The following WNT10A variants were observed in gnomAD, a reference collection of about 807,000 sequenced individuals.
WNT10A encodes protein Wnt-10a.
WNT10A carries 37 observed loss-of-function variants against 36.1 expected under a neutral mutation model. The observed-to-expected ratio is 1.02, with a 90% CI of 0.79 to 1.35. WNT10A has a LOEUF of 1.35. Among genes scored for constraint, WNT10A ranks in the 40% most tolerant of loss-of-function variants. The pLI is 0.00. For synonymous variants in WNT10A, 255 were observed against 254.1 expected (o/e 1.00, Z -0.03); for missense variants, 613 against 601.4 (o/e 1.02, Z -0.20).
At chr2:218,883,974 G>C (rs1029032158) in intron 2 of WNT10A, 2 of 152,288 alleles carry the variant, frequency 1.3e-5, no homozygotes, top group Non-Finnish European at 2.9e-5. Flanking sequence ...CCGCAGCCGC[G>C]TTTCCCTTCG....
intron 1 of WNT10A, 128 bp downstream of exon 1, chr2:218,881,236 T>C: frequency 7.2e-7 from 1 of 1,396,028 alleles, no homozygotes; most frequent in South Asian, 1.2e-5. Context: ...AAAGTGCTGG[T>C]GCCCAACCAA....
the WNT10A span, among the ~76,000 whole-genome samples, chr2:218,875,158 T>C: frequency 3.2e-5 from 4 of 124,564 alleles, no homozygotes; most frequent in African/African-American, 1.3e-4. Context: ...AGACTGACTT[T>C]CTTTTTTTTT....
At chr2:218,881,876 G>A (rs1212961837) in intron 1 of WNT10A, among the ~76,000 whole-genome samples, 3 of 152,182 alleles carry the variant, frequency 2.0e-5, no homozygotes, top group East Asian at 3.9e-4. Context: ...CTATTCCTGG[G>A]GATGTGCATA....
At chr2:218,880,644 C>T, upstream of WNT10A, 1 of 246,766 alleles carries the variant, frequency 4.1e-6, no homozygotes, top group South Asian at 6.6e-5. This position sits in a 1 kb window ranked among gnomAD's most constrained non-coding sequence, Gnocchi z 7.7. Flanking sequence ...TGGAGGGTTC[C>T]CCGGCACCCC....
chr2:218,886,215 GCACA>G (rs112761948), intron 2 of WNT10A, among the ~76,000 whole-genome samples: 3 of 150,610 alleles, frequency 2.0e-5, no homozygotes, highest in Non-Finnish European at 3.0e-5. Context: ...ATACGTGCAC[GCACA>G]CACACACACA....
At position 218,893,184 on chromosome 2, in the gene WNT10A, C is replaced by A; in HGVS notation, c.1167C>A (p.Ser389Arg). The A allele has an allele frequency of 6.3e-7, 1 of 1,579,970 alleles. No homozygotes were observed. Among genetic ancestry groups the A allele is most frequent in the South Asian group, 1.1e-5 (1 of 89,382 alleles). ...RGHNILRQTR[S>R]ERCHCRFHWC... Reference sequence around the variant, plus strand: ...ACAACATCCTGCGCCAGACGCGCAGCGAGCGCTGCCACTGCCGCTTCCACT... The same window carrying A: ...ACAACATCCTGCGCCAGACGCGCAGAGAGCGCTGCCACTGCCGCTTCCACT... Residue 389 changes from serine (S) to arginine (R), a missense_variant, in exon 4 of 4, where the codon AGC becomes AGA. Physicochemically the swap from Ser to Arg is moderately radical, Grantham distance 110. Coordinates refer to ENST00000258411, the MANE Select transcript of WNT10A (RefSeq NM_025216.3). The surrounding 1 kb of genome is among the most constrained non-coding windows in gnomAD (Gnocchi z 6.3).
chr2:218,891,863 T>C (rs1382803863), intron 3 of WNT10A, among the ~76,000 whole-genome samples: 1 of 151,698 alleles, frequency 6.6e-6, no homozygotes, highest in Non-Finnish European at 1.5e-5. Context: ...GTTTTCGGAG[T>C]GGACTGAGGG....
At chr2:218,877,469 C>T (rs748649030), upstream of WNT10A, among the ~76,000 whole-genome samples, 3 of 152,122 alleles carry the variant, frequency 2.0e-5, no homozygotes, top group Non-Finnish European at 2.9e-5. This position sits in a 1 kb window ranked among gnomAD's most constrained non-coding sequence, Gnocchi z 4.1. Context: ...GGGAAGGGGC[C>T]GGAAGTAGAG....
chr2:218,884,132 C>T (rs62193327), intron 2 of WNT10A: 1 of 152,532 alleles, frequency 6.6e-6, no homozygotes, highest in African/African-American at 2.4e-5. Flanking sequence ...TTGGTGTCCC[C>T]TCTGTCCTCC....
chr2:218,883,926 C>G (rs1944549661), intron 2 of WNT10A: 1 of 152,412 alleles, frequency 6.6e-6, no homozygotes, highest in African/African-American at 2.4e-5. Flanking sequence ...CGCCGCGGGC[C>G]CGCTCCTACC....
chr2:218,892,359 A>G (rs1346054246), intron 3 of WNT10A, among the ~76,000 whole-genome samples: 5 of 125,912 alleles, frequency 4.0e-5, no homozygotes, highest in Non-Finnish European at 8.4e-5. Flanking sequence ...ACACACACAC[A>G]CGGCCTGGAG....
At chr2:218,879,100 G>A (rs1944480539), upstream of WNT10A, among the ~76,000 whole-genome samples, 1 of 77,048 alleles carries the variant, frequency 1.3e-5, no homozygotes. Context: ...ACCCCCAGCA[G>A]CCTCAAGCCC....
intron 2 of WNT10A, among the ~76,000 whole-genome samples, chr2:218,883,281 G>A (rs1464505287): frequency 1.3e-5 from 2 of 152,138 alleles, no homozygotes; most frequent in African/African-American, 4.8e-5. Context: ...TGGATTGTGT[G>A]GGACATTGTG....
Position 218,893,371 on chromosome 2 carries a change from G to A in WNT10A, c.*100G>A. The A allele has an allele frequency of 2.1e-6, 3 of 1,449,834 alleles. No individual in the cohort carries two copies. Among genetic ancestry groups the A allele is most frequent in the Non-Finnish European group, 1.8e-6 (2 of 1,097,684 alleles). The allele number at this position is 1,449,834 out of a possible 1,614,324, so 89.8% of individuals were successfully genotyped here. ...AAGGCAGCATCGCCTTGGCTCTTGG[G>A]AAGAGGAGATTGGACCACATGATCT... On this transcript the variant is annotated 3_prime_UTR_variant, in exon 4 of 4. Transcript: ENST00000258411. This position sits in a 1 kb window ranked among gnomAD's most constrained non-coding sequence, Gnocchi z 6.3.
intron 2 of WNT10A, among the ~76,000 whole-genome samples, chr2:218,886,191 T>C (rs1482420849): frequency 6.6e-6 from 1 of 151,846 alleles, no homozygotes; most frequent in Admixed American, 6.6e-5. Flanking sequence ...TGCCAAGAAG[T>C]GAAACTGATA....
intron 1 of WNT10A, among the ~76,000 whole-genome samples, 193 bp downstream of exon 1, chr2:218,881,301 T>A (rs951442366): frequency 4.6e-5 from 7 of 152,036 alleles, no homozygotes; most frequent in African/African-American, 1.7e-4. Flanking sequence ...ATATGGGCAG[T>A]CCAGGGAGAC....
rs772520906 is a variant in WNT10A, at chr2:218,893,134, G to A, written c.1117G>A (p.Gly373Ser). The A allele has an allele frequency of 2.5e-6, 4 of 1,593,240 alleles. No individual in the cohort carries two copies. Among genetic ancestry groups the A allele is most frequent in the South Asian group, 2.2e-5 (2 of 90,628 alleles). ...NKSSAGSDGC[G>S]SMCCGRGHNI... ...GAGCAGCGCCGGCTCGGATGGCTGC[G>A]GCAGCATGTGCTGCGGCCGCGGCCA... The change falls in exon 4 of 4, where the codon GGC becomes AGC. Residue 373 changes from glycine (G) to serine (S), a missense_variant. Physicochemically the swap from Gly to Ser is moderately conservative, Grantham distance 56. Coordinates refer to ENST00000258411, the MANE Select transcript of WNT10A (RefSeq NM_025216.3). This position sits in a 1 kb window ranked among gnomAD's most constrained non-coding sequence, Gnocchi z 6.3.
rs974508350 is a variant in WNT10A, at chr2:218,892,976, C to G, written c.959C>G (p.Pro320Arg). The G allele has an allele frequency of 6.9e-7, 1 of 1,455,764 alleles. No homozygotes were observed. Among genetic ancestry groups the G allele is most frequent in the African/African-American group, 1.5e-5 (1 of 67,988 alleles). 90.2% of individuals were successfully genotyped at this position (1,455,764 alleles called of 1,614,324 possible). The change falls in exon 4 of 4, where the codon CCG becomes CGG. Residue 320 changes from proline (P) to arginine (R), a missense_variant. Coordinates refer to ENST00000258411, the MANE Select transcript of WNT10A (RefSeq NM_025216.3). ...LEPGPAGAPSPAPGAPGPRRR... is the reference protein window; with the variant it reads ...LEPGPAGAPSRAPGAPGPRRR... ...CCGGGCCCAGCGGGGGCACCCTCGCCGGCTCCGGGCGCTCCCGGGCCGCGC... is the reference window on the plus strand; with the variant it reads ...CCGGGCCCAGCGGGGGCACCCTCGCGGGCTCCGGGCGCTCCCGGGCCGCGC...
At chr2:218,888,616 G>C (rs1455958631) in intron 2 of WNT10A, among the ~76,000 whole-genome samples, 1 of 152,228 alleles carries the variant, frequency 6.6e-6, no homozygotes, top group Non-Finnish European at 1.5e-5. Context: ...TCACAGGCAA[G>C]GTGGCTGGGT....
Sources: gnomAD v4.1 joint callset for allele counts (sites outside exome capture counted in the v4.1 genomes callset) on GRCh38, gnomAD v4.1.1 for gene constraint, Gnocchi (gnomAD v3.1) non-coding constraint, MANE v1.5 for transcripts, NCBI Gene and HGNC (gene_info 2026-07-23, HGNC 2026-07-21) for gene names.